The following CEP20 variants were observed in gnomAD, a reference collection of about 807,000 sequenced individuals.
CEP20 encodes the protein centrosomal protein 20, also known as FGFR1OP N-terminal like.
CEP20 carries 18 observed loss-of-function variants against 20.0 expected under a neutral mutation model. The ratio of observed to expected loss-of-function variants is 0.90; its 90% CI spans 0.62 to 1.34. The LOEUF (loss-of-function observed/expected upper bound fraction) is 1.34, where lower values mean the gene tolerates loss of function less well. CEP20 is among the 40% of genes most tolerant of loss of function. The pLI, the probability that CEP20 is intolerant of heterozygous loss-of-function variation, is 0.00. For synonymous variants in CEP20, 77 were observed against 73.7 expected, an observed-to-expected ratio of 1.04 and a Z score of -0.23; for missense variants, 215 against 201.6, an observed-to-expected ratio of 1.07 and a Z score of -0.40.
intron 4 of CEP20, among the ~76,000 whole-genome samples, chr16:15,873,206 C>A (rs1178785557): frequency 1.3e-5 from 2 of 151,970 alleles, no homozygotes; most frequent in Non-Finnish European, 2.9e-5. Flanking sequence ...GCCTCCCAAA[C>A]TGCTGGGATT....
intron 2 of CEP20, among the ~76,000 whole-genome samples, chr16:15,881,305 C>G (rs1396635764): frequency 1.3e-5 from 2 of 152,140 alleles, no homozygotes; most frequent in African/African-American, 4.8e-5. Context: ...ATATTTCATT[C>G]TAGTGAATCC....
chr16:15,867,649 A>G (rs1019420745), intron 4 of CEP20, 133 bp from the exon 5 acceptor site: 3 of 552,438 alleles, frequency 5.4e-6, no homozygotes, highest in South Asian at 3.6e-5. Context: ...TAGGACAATG[A>G]AAAAAACCCA....
chr16:15,885,211 G>A (rs1039930135), intron 1 of CEP20: 12 of 151,744 alleles, frequency 7.9e-5, no homozygotes, highest in Middle Eastern at 3.2e-3. Flanking sequence ...GGGAGGCTGA[G>A]GCACAAGAAT....
rs984231479 is a variant in CEP20, at chr16:15,865,929, A to G, written c.*1511T>C. 1 of 152,204 alleles carries G rather than the reference A, an allele frequency of 6.6e-6. No individual in the cohort carries two copies. Among genetic ancestry groups the G allele is most frequent in the African/African-American group, 2.4e-5 (1 of 41,448 alleles). 9.4% of individuals were successfully genotyped at this position (152,204 alleles called of 1,614,324 possible). ...TAGTCTTACATGATTGCAATTCCTG[A>G]GGTAAACTAAGTGTCCACTGCCAAC... On this transcript the variant is annotated 3_prime_UTR_variant, in exon 5 of 5. Transcript: ENST00000255759.
chr16:15,873,335 A>G (rs2044866257), intron 4 of CEP20, 156 bp downstream of exon 4: 1 of 844,142 alleles, frequency 1.2e-6, no homozygotes, highest in African/African-American at 1.7e-5. Flanking sequence ...CTTTACAAAA[A>G]GCATTCTGTT....
At chr16:15,882,784 T>TACAC (rs71388769) in intron 2 of CEP20, among the ~76,000 whole-genome samples, 2,259 of 149,604 alleles carry the variant, frequency 0.015, 37 homozygotes, top group African/African-American at 0.029. Flanking sequence ...TCTATCTAGA[T>TACAC]ACACACACAC....
intron 3 of CEP20, 88 bp from the exon 4 acceptor site, chr16:15,873,715 A>T (rs751741845): frequency 8.1e-6 from 11 of 1,359,396 alleles, no homozygotes; most frequent in Non-Finnish European, 1.1e-5. Context: ...TTTAAAAGGT[A>T]ACCTCTGACA....
chr16:15,877,242 G>C (rs1386270403), intron 3 of CEP20: 11 of 152,350 alleles, frequency 7.2e-5, no homozygotes, highest in Admixed American at 7.2e-4. Flanking sequence ...TCCAATTTTA[G>C]TTTATGTGCT....
chr16:15,871,028 C>T (rs756728690), intron 4 of CEP20, among the ~76,000 whole-genome samples: 1 of 151,944 alleles, frequency 6.6e-6, no homozygotes, highest in Non-Finnish European at 1.5e-5. Context: ...TTTGGGAGGC[C>T]AAGGGGGGTG....
chr16:15,877,054 G>GT (rs774311850), intron 3 of CEP20: 3 of 151,962 alleles, frequency 2.0e-5, no homozygotes, highest in Non-Finnish European at 4.4e-5. Flanking sequence ...GGGTTTCACC[G>GT]TGTTAGCCAG....
chr16:15,869,371 C>T (rs8059507), intron 4 of CEP20, among the ~76,000 whole-genome samples: 5,486 of 145,824 alleles, frequency 0.038, 368 homozygotes, highest in African/African-American at 0.13. Context: ...AGTGTAGTGG[C>T]GCAATCTCGG....
intron 3 of CEP20, among the ~76,000 whole-genome samples, chr16:15,876,156 A>T (rs2044941377): frequency 6.7e-6 from 1 of 149,038 alleles, no homozygotes; most frequent in Non-Finnish European, 1.5e-5. Flanking sequence ...TATTTGGTAG[A>T]TGTACCATAT....
At chr16:15,876,727 C>A (rs2044959333) in intron 3 of CEP20, among the ~76,000 whole-genome samples, 1 of 151,918 alleles carries the variant, frequency 6.6e-6, no homozygotes, top group Non-Finnish European at 1.5e-5. Context: ...GTGACTATGG[C>A]AAACTCTGTG....
intron 4 of CEP20, among the ~76,000 whole-genome samples, chr16:15,870,691 T>G (rs78922061): frequency 0.025 from 3,751 of 152,094 alleles, 152 homozygotes; most frequent in African/African-American, 0.085. Flanking sequence ...GGTGCACCCC[T>G]ATAGTCCCGG....
Position 15,867,275 on chromosome 16 carries a change from A to T in CEP20, c.*165T>A. 4.1e-6 allele frequency: 2 copies of T among 482,750 alleles called. No homozygotes were observed. The allele number at this position is 482,750 out of a possible 1,614,324, so 29.9% of individuals were successfully genotyped here. ...CAAGTCAAATCCAATAAGCTAGATG[A>T]CAAGAGTTAGCTTTTATTCACAAAT... is the stretch of plus-strand genomic sequence containing the variant. On this transcript the variant is annotated 3_prime_UTR_variant, in exon 5 of 5. Coordinates refer to ENST00000255759, the MANE Select transcript of CEP20 (RefSeq NM_144600.4).
At chr16:15,888,505 A>G in intron 1 of CEP20, 53 bp downstream of exon 1, 2 of 1,612,906 alleles carry the variant, frequency 1.2e-6, no homozygotes, top group South Asian at 1.1e-5. Flanking sequence ...CATCCTTTCC[A>G]CAAGATGAAG....
chr16:15,881,370 C>G (rs1221610846), intron 2 of CEP20, among the ~76,000 whole-genome samples: 1 of 152,138 alleles, frequency 6.6e-6, no homozygotes, highest in Non-Finnish European at 1.5e-5. Context: ...TGGTATCATA[C>G]AGCCATCTAT....
chr16:15,884,221 T>C lies in CEP20; in HGVS notation c.29-16A>G. 1 of 1,582,570 alleles carries C rather than the reference T, an allele frequency of 6.3e-7. No individual in the cohort carries two copies. Among genetic ancestry groups the C allele is most frequent in the Non-Finnish European group, 8.6e-7 (1 of 1,160,734 alleles). ...TCCTTTAAAACTGTTCGATATAAAA[T>C]ATTAAGGCTTCAGTTACAGAGTAAA... On this transcript the variant is annotated splice_polypyrimidine_tract_variant and intron_variant, in intron 1 of 4. Coordinates refer to ENST00000255759, the MANE Select transcript of CEP20 (RefSeq NM_144600.4).
At chr16:15,870,599 A>G (rs1307101586) in intron 4 of CEP20, among the ~76,000 whole-genome samples, 3 of 152,080 alleles carry the variant, frequency 2.0e-5, no homozygotes, top group Non-Finnish European at 4.4e-5. Flanking sequence ...ACTAAATAAG[A>G]GTGATTATAA....
Sources: gnomAD v4.1 joint callset for allele counts (sites outside exome capture counted in the v4.1 genomes callset) on GRCh38, gnomAD v4.1.1 for gene constraint, MANE v1.5 for transcripts, NCBI Gene and HGNC (gene_info 2026-07-23, HGNC 2026-07-21) for gene names.